Variants in NOS1AP observed in about 807,000 individuals in gnomAD.
NOS1AP encodes the protein carboxyl-terminal PDZ ligand of neuronal nitric oxide synthase protein.
In NOS1AP, 21 loss-of-function variants were observed where a neutral mutation model predicts 56.2. That is an observed-to-expected ratio of 0.37 (90% CI 0.26 to 0.54). The LOEUF (loss-of-function observed/expected upper bound fraction) is 0.54, where lower values mean the gene tolerates loss of function less well. NOS1AP is among the 20% of genes least tolerant of loss of function. NOS1AP has a pLI of 0.84. For missense variants in NOS1AP, 522 were observed against 657.8 expected, an observed-to-expected ratio of 0.79 and a Z score of 2.26; for synonymous variants, 270 against 274.6, an observed-to-expected ratio of 0.98 and a Z score of 0.17.
intron 2 of NOS1AP, among the ~76,000 whole-genome samples, chr1:162,174,554 T>A (rs1009324348): frequency 2.0e-5 from 3 of 152,136 alleles, no homozygotes; most frequent in African/African-American, 7.2e-5. Context: ...AAACTTAAAG[T>A]GTAATAATAA....
At chr1:162,254,832 T>C (rs748732959) in intron 2 of NOS1AP, among the ~76,000 whole-genome samples, 1 of 152,226 alleles carries the variant, frequency 6.6e-6, no homozygotes, top group Non-Finnish European at 1.5e-5. Context: ...TATCCTCATA[T>C]TGCAGATAAG....
chr1:162,095,664 C>G (rs954993871), intron 1 of NOS1AP, among the ~76,000 whole-genome samples: 1 of 152,134 alleles, frequency 6.6e-6, no homozygotes, highest in Non-Finnish European at 1.5e-5. Flanking sequence ...ATGTGGGGTT[C>G]CCTCATCCGG....
intron 2 of NOS1AP, among the ~76,000 whole-genome samples, chr1:162,204,869 G>A (rs780902391): frequency 6.6e-6 from 1 of 152,180 alleles, no homozygotes; most frequent in Non-Finnish European, 1.5e-5. Context: ...TGTGTGGGAT[G>A]TGAATGGATG....
rs575255290 is a variant in NOS1AP, at chr1:162,233,692, G to A, written c.178-53652G>A. Among the ~76,000 whole-genome samples the A allele has an allele frequency of 8.5e-5, 13 of 152,276 alleles. No homozygotes were observed. The South Asian group carries it at 2.7e-3, about 32-fold the overall frequency. On this transcript the variant is annotated intron_variant, in intron 2 of 9. Transcript: ENST00000361897. ...AAGTACTTTATTGTCCAATCCCAAA[G>A]ATAGATATGACTTTCTGGGACTTTA...
chr1:162,318,499 C>T (rs1656301870), intron 4 of NOS1AP, among the ~76,000 whole-genome samples: 1 of 152,160 alleles, frequency 6.6e-6, no homozygotes, highest in African/African-American at 2.4e-5. Flanking sequence ...AGACTCTCTG[C>T]TCCCTCAGCT....
chr1:162,112,520 G>A (rs995483182), intron 1 of NOS1AP, among the ~76,000 whole-genome samples: 1 of 152,158 alleles, frequency 6.6e-6, no homozygotes, highest in South Asian at 2.1e-4. Flanking sequence ...CTCCCTGGAG[G>A]GCCCATCCTG....
intron 2 of NOS1AP, among the ~76,000 whole-genome samples, chr1:162,271,220 T>C (rs1284405805): frequency 1.3e-5 from 2 of 149,998 alleles, no homozygotes; most frequent in Admixed American, 1.3e-4. Context: ...AGGAGTCCAG[T>C]GATGGCACCC....
intron 5 of NOS1AP, among the ~76,000 whole-genome samples, chr1:162,335,420 C>T (rs405241): frequency 0.45 from 68,599 of 152,154 alleles, 16,506 homozygotes; most frequent in Middle Eastern, 0.58. Context: ...GGCTGGGGAA[C>T]ACATCTGCAA....
At chr1:162,268,907 G>A (rs1215741537) in intron 2 of NOS1AP, among the ~76,000 whole-genome samples, 1 of 152,078 alleles carries the variant, frequency 6.6e-6, no homozygotes, top group East Asian at 1.9e-4. Flanking sequence ...ATAAATATGA[G>A]TTCTAAAACA....
intron 8 of NOS1AP, among the ~76,000 whole-genome samples, chr1:162,361,708 G>A (rs1166585974): frequency 2.6e-5 from 4 of 152,234 alleles, no homozygotes; most frequent in Non-Finnish European, 4.4e-5. Flanking sequence ...GGTACAAGGA[G>A]CATTTTCTCA....
intron 1 of NOS1AP, among the ~76,000 whole-genome samples, chr1:162,140,124 C>T (rs781042884): frequency 1.4e-4 from 22 of 152,198 alleles, no homozygotes; most frequent in Admixed American, 2.6e-4. Flanking sequence ...CCACCGCACC[C>T]GGCCTGCAGT....
intron 1 of NOS1AP, among the ~76,000 whole-genome samples, chr1:162,086,349 A>C (rs1172915196): frequency 1.3e-5 from 2 of 152,162 alleles, no homozygotes; most frequent in African/African-American, 2.4e-5. Context: ...TAGGGATATT[A>C]GACAACAACT....
chr1:162,113,828 G>A (rs934101726), intron 1 of NOS1AP, among the ~76,000 whole-genome samples: 1 of 151,962 alleles, frequency 6.6e-6, no homozygotes, highest in African/African-American at 2.4e-5. Flanking sequence ...CCTCTTACCT[G>A]TCCATCCTTC....
chr1:162,219,714 G>C (rs1221193455), intron 2 of NOS1AP, among the ~76,000 whole-genome samples: 1 of 152,178 alleles, frequency 6.6e-6, no homozygotes, highest in African/African-American at 2.4e-5. Context: ...TCTAGGAAAT[G>C]TCCCCTTTTA....
Position 162,151,295 on chromosome 1 carries a change from TTCCCCATTCTGTTCCATTGG to T in NOS1AP, c.106-3107_106-3088del, listed in dbSNP as rs367851799. 1.9e-4 allele frequency among the ~76,000 whole-genome samples: 29 copies of T among 152,378 alleles called. 1 individual carries two copies. The highest frequency in any genetic ancestry group is 6.0e-4 in the African/African-American group (25 of 41,594). ...GTAGATGTATGGATTTGTTTCCGGG[TTCCCCATTCTGTTCCATTGG>T]TCTATGTGTCTGTTTTTATGCCAGT... On this transcript the variant is annotated intron_variant, in intron 1 of 9. Transcript: ENST00000361897.
chr1:162,217,901 G>C (rs966705472), intron 2 of NOS1AP, among the ~76,000 whole-genome samples: 2 of 152,102 alleles, frequency 1.3e-5, no homozygotes, highest in African/African-American at 4.8e-5. Flanking sequence ...ACAGTGGTAG[G>C]AATAATAATT....
intron 2 of NOS1AP, among the ~76,000 whole-genome samples, chr1:162,251,871 T>TTTTG (rs1653871204): frequency 2.2e-5 from 1 of 45,322 alleles, no homozygotes; most frequent in African/African-American, 8.0e-5. Flanking sequence ...TTTTTTTTGT[T>TTTTG]TTTTTTTTTT....
chr1:162,349,666 T>A (rs551504791), intron 6 of NOS1AP, among the ~76,000 whole-genome samples: 3 of 152,030 alleles, frequency 2.0e-5, no homozygotes, highest in South Asian at 4.2e-4. Context: ...GTTTATCGAG[T>A]TTTCTAATGT....
At chr1:162,102,974 CT>C (rs1234493167) in intron 1 of NOS1AP, among the ~76,000 whole-genome samples, 1 of 151,942 alleles carries the variant, frequency 6.6e-6, no homozygotes, top group Non-Finnish European at 1.5e-5. Flanking sequence ...CTTCTGCTAG[CT>C]TTTGGGGGTT....
Sources: allele counts gnomAD v4.1 joint callset (sites outside exome capture counted in the v4.1 genomes callset), GRCh38; gene constraint gnomAD v4.1.1; transcripts MANE v1.5; gene names NCBI Gene and HGNC (gene_info 2026-07-23, HGNC 2026-07-21).